NLGN1: variants seen among roughly 807,000 people sequenced by gnomAD.
NLGN1 encodes neuroligin-1.
NLGN1 carries 12 observed loss-of-function variants against 65.5 expected under a neutral mutation model. The observed-to-expected ratio is 0.18, with a 90% CI of 0.12 to 0.30. The LOEUF is 0.30. NLGN1 is among the 10% of genes least tolerant of loss of function. NLGN1 has a pLI of 1.00. For missense variants in NLGN1, 750 were observed against 1,007.1 expected (o/e 0.74, Z 3.46); for synonymous variants, 350 against 359.5 (o/e 0.97, Z 0.30).
At chr3:173,617,792 A>C (rs1577562580) in intron 3 of NLGN1, among the ~76,000 whole-genome samples, 1 of 152,208 alleles carries the variant, frequency 6.6e-6, no homozygotes, top group South Asian at 2.1e-4. Flanking sequence ...CATTTGTGTA[A>C]TAGGAGCACT....
chr3:174,079,725 G>A (rs941883731), intron 4 of NLGN1, among the ~76,000 whole-genome samples: 14 of 152,302 alleles, frequency 9.2e-5, no homozygotes, highest in Admixed American at 3.3e-4. Context: ...ATGAGATTAT[G>A]TCCTTTGCAG....
At chr3:173,517,789 TC>T (rs1734074249) in intron 2 of NLGN1, among the ~76,000 whole-genome samples, 4 of 151,888 alleles carry the variant, frequency 2.6e-5, no homozygotes, top group African/African-American at 4.8e-5. Context: ...TATCTATCTA[TC>T]TATCTATCTA....
intron 3 of NLGN1, among the ~76,000 whole-genome samples, chr3:173,766,561 C>T (rs79830042): frequency 0.012 from 1,812 of 152,160 alleles, 39 homozygotes; most frequent in African/African-American, 0.04. Flanking sequence ...TGTCATCTTA[C>T]GTACATTCTT....
intron 4 of NLGN1, among the ~76,000 whole-genome samples, chr3:173,875,176 G>A (rs1731887969): frequency 6.6e-6 from 1 of 152,174 alleles, no homozygotes; most frequent in East Asian, 1.9e-4. Flanking sequence ...AGCGTAGAAG[G>A]TGTTTGACCA....
chr3:174,208,763 G>A (rs1377741373), intron 4 of NLGN1, among the ~76,000 whole-genome samples: 3 of 151,894 alleles, frequency 2.0e-5, no homozygotes, highest in Non-Finnish European at 4.4e-5. Flanking sequence ...AAGGCCCAAA[G>A]GATATCATCA....
chr3:174,003,662 T>C (rs2152430830), intron 4 of NLGN1, among the ~76,000 whole-genome samples: 1 of 152,288 alleles, frequency 6.6e-6, no homozygotes, highest in East Asian at 1.9e-4. Context: ...TATATTTCGG[T>C]GTACAAATAG....
chr3:173,696,323 C>T (rs2149848354), intron 3 of NLGN1, among the ~76,000 whole-genome samples: 1 of 152,136 alleles, frequency 6.6e-6, no homozygotes, highest in East Asian at 1.9e-4. Context: ...CCAATGTCTA[C>T]CTTAGCACTC....
intron 2 of NLGN1, among the ~76,000 whole-genome samples, chr3:173,452,955 C>T (rs1011302046): frequency 1.3e-5 from 2 of 152,016 alleles, no homozygotes; most frequent in Non-Finnish European, 1.5e-5. Flanking sequence ...TATTTTATTG[C>T]TAAACAGTAC....
At chr3:173,541,782 A>G (rs1738918382) in intron 2 of NLGN1, among the ~76,000 whole-genome samples, 1 of 152,102 alleles carries the variant, frequency 6.6e-6, no homozygotes, top group African/African-American at 2.4e-5. Context: ...TGTTGCTGGC[A>G]TCTGGTTTGA....
At position 174,209,190 on chromosome 3, in the gene NLGN1, CT is replaced by C. The variant is rs1735978176; in HGVS notation, c.647-66124del. The stretch of plus-strand genomic sequence containing the variant: ...TCACCCGCTTCAGTCTCCCAAAGTG[CT>C]GGGATTACAAGTGTGAACCACCGTG... On this transcript the variant is annotated intron_variant, in intron 4 of 6. Transcript: ENST00000457714. Among the ~76,000 whole-genome samples, 4 of 152,286 alleles carry C rather than the reference CT, an allele frequency of 2.6e-5. No homozygotes were observed. The South Asian group carries it at 8.3e-4, about 32-fold the overall frequency.
chr3:173,698,913 A>G (rs1045995245), intron 3 of NLGN1, among the ~76,000 whole-genome samples: 3 of 152,058 alleles, frequency 2.0e-5, no homozygotes, highest in African/African-American at 4.8e-5. Flanking sequence ...CTGGAGTACA[A>G]TGGCGTGATC....
At chr3:174,150,395 G>C (rs1430428581) in intron 4 of NLGN1, among the ~76,000 whole-genome samples, 1 of 152,000 alleles carries the variant, frequency 6.6e-6, no homozygotes, top group Non-Finnish European at 1.5e-5. Context: ...ATATGTTGTG[G>C]GGGACTCTCT....
chr3:173,959,947 T>G (rs1713127843), intron 4 of NLGN1, among the ~76,000 whole-genome samples: 1 of 152,132 alleles, frequency 6.6e-6, no homozygotes, highest in African/African-American at 2.4e-5. Context: ...CTTCCTTCTT[T>G]TTTGTTTAAT....
chr3:173,674,959 A>G (rs1358182414), intron 3 of NLGN1, among the ~76,000 whole-genome samples: 1 of 152,076 alleles, frequency 6.6e-6, no homozygotes. Context: ...TCTGTATGAT[A>G]AGATTATTTT....
chr3:173,920,737 A>C (rs1741828614), intron 4 of NLGN1: 1 of 152,178 alleles, frequency 6.6e-6, no homozygotes, highest in South Asian at 2.1e-4. Context: ...TGAATAATAG[A>C]AGACTTAAGT....
chr3:174,137,485 T>C lies in NLGN1; in HGVS notation c.647-137830T>C, dbSNP rs76872220. 4.7e-4 allele frequency among the ~76,000 whole-genome samples: 72 copies of C among 152,256 alleles called. 1 individual carries two copies. In the East Asian group the frequency reaches 0.013, roughly 27 times the overall value. ...AAACTAATGTCAACCTTCTGAACCT[T>C]AGTTTTTCATCTTTTATATGAGAGC... On this transcript the variant is annotated intron_variant, in intron 4 of 6. Coordinates refer to ENST00000457714, the Ensembl canonical transcript of NLGN1.
At chr3:174,266,361 A>G (rs965306242) in intron 4 of NLGN1, among the ~76,000 whole-genome samples, 3 of 152,082 alleles carry the variant, frequency 2.0e-5, no homozygotes, top group Non-Finnish European at 4.4e-5. Context: ...TTCAAGCTCC[A>G]TCCACGTTGC....
intron 4 of NLGN1, among the ~76,000 whole-genome samples, chr3:174,205,002 A>G (rs143557118): frequency 1.3e-5 from 2 of 152,314 alleles, no homozygotes; most frequent in African/African-American, 4.8e-5. Context: ...TCACATGATC[A>G]CAGGATCGTG....
Position 173,516,996 on chromosome 3 carries a change from A to G in NLGN1, c.-321+81918A>G, listed in dbSNP as rs112573287. On this transcript the variant is annotated intron_variant, in intron 2 of 6. Coordinates refer to ENST00000457714, the Ensembl canonical transcript of NLGN1. Reference sequence around the variant, plus strand: ...ATCATCACTCTGTACTTAATGTATTACCATTCTATTCATATATCTTTAAGT... The same window carrying G: ...ATCATCACTCTGTACTTAATGTATTGCCATTCTATTCATATATCTTTAAGT... Among the ~76,000 whole-genome samples, 395 of 152,192 alleles carry G rather than the reference A, an allele frequency of 2.6e-3. 2 individuals are homozygous for G. Among genetic ancestry groups the G allele is most frequent in the African/African-American group, 8.5e-3 (355 of 41,562 alleles).
Sources: allele counts gnomAD v4.1 joint callset (sites outside exome capture counted in the v4.1 genomes callset), GRCh38; gene constraint gnomAD v4.1.1; transcripts MANE v1.5; gene names NCBI Gene and HGNC (gene_info 2026-07-23, HGNC 2026-07-21).